RAD18: variants seen among roughly 807,000 people sequenced by gnomAD.
RAD18 encodes the protein E3 ubiquitin-protein ligase RAD18.
Under a neutral mutation model 60.4 loss-of-function variants are expected in RAD18, and 47 were observed. The observed-to-expected ratio is 0.78, with a 90% CI of 0.62 to 0.99. The LOEUF is 0.99. Among genes scored for constraint, RAD18 ranks in the 50% least tolerant of loss-of-function variants. RAD18 has a pLI of 0.00. For synonymous variants in RAD18, 225 were observed against 195.5 expected (o/e 1.15, Z -1.26); for missense variants, 640 against 593.3 (o/e 1.08, Z -0.82).
intron 2 of RAD18, among the ~76,000 whole-genome samples, chr3:8,953,319 A>T (rs1419114713): frequency 1.3e-5 from 2 of 151,884 alleles, no homozygotes. Flanking sequence ...TACCTTTTAA[A>T]TTAGTATTTA....
chr3:8,894,251 G>T (rs1377760026), intron 11 of RAD18, among the ~76,000 whole-genome samples: 1 of 152,098 alleles, frequency 6.6e-6, no homozygotes, highest in Non-Finnish European at 1.5e-5. Context: ...AAAAAACAAG[G>T]CTAAGAGTTT....
chr3:8,919,396 T>C lies in RAD18; in HGVS notation c.890-5676A>G, dbSNP rs575179945. ...CGAATGAAAAAAGACAAGATGCCAATACCTGAGACAACCCAGTTGCTGGAA... is the reference window on the plus strand; with the variant it reads ...CGAATGAAAAAAGACAAGATGCCAACACCTGAGACAACCCAGTTGCTGGAA... On this transcript the variant is annotated intron_variant, in intron 7 of 12. Transcript: ENST00000264926. Among the ~76,000 whole-genome samples, 13 of 152,154 alleles carry C rather than the reference T, an allele frequency of 8.5e-5. No individual in the cohort carries two copies. In the Middle Eastern group the frequency reaches 0.01, roughly 119 times the overall value.
intron 7 of RAD18, 148 bp from the exon 8 acceptor site, chr3:8,913,868 C>G (rs1322499864): frequency 4.0e-6 from 2 of 504,256 alleles, no homozygotes; most frequent in Non-Finnish European, 6.8e-6. Flanking sequence ...TTCTGTGAAT[C>G]AATTACCATT....
At chr3:8,926,170 C>G (rs1940429799) in intron 7 of RAD18, among the ~76,000 whole-genome samples, 1 of 152,168 alleles carries the variant, frequency 6.6e-6, no homozygotes, top group Admixed American at 6.5e-5. Context: ...ACCCCATCGT[C>G]TCAGCCCAAA....
Position 8,941,693 on chromosome 3 carries a change from T to C in RAD18, c.378A>G (p.Leu126=). 6.2e-7 allele frequency: 1 copy of C among 1,614,188 alleles called. No individual in the cohort carries two copies. ...TATCCATTAACCTGCTCCCCTGCTT[T>C]AAAGACTGTCTGGAGGCTACAGGAG... ...VYTPVASRQS[L]KQGSRLMDNF... is the part of the protein sequence containing the mutation. The change falls in exon 5 of 13, where the codon TTA becomes TTG. Residue 126 remains leucine (L), a synonymous_variant. Transcript: ENST00000264926.
chr3:8,881,153 T>G lies in RAD18; in HGVS notation c.*204A>C. ...TCAGTATTTTTAGAGAGAGATGTTT[T>G]AGAGGCAGGAGGCAACTGACCAAGT... On this transcript the variant is annotated 3_prime_UTR_variant, in exon 13 of 13. Transcript: ENST00000264926. The G allele has an allele frequency of 1.9e-6, 1 of 515,388 alleles. No homozygotes were observed. The highest frequency in any genetic ancestry group is 3.5e-5 in the East Asian group (1 of 28,710). 31.9% of individuals were successfully genotyped at this position (515,388 alleles called of 1,614,324 possible). A position where few individuals can be genotyped will look rare whatever the true frequency, so the allele number is the denominator to read the frequency against.
chr3:8,936,141 CCTGGGTGA>C, intron 6 of RAD18, 86 bp from the exon 7 acceptor site: 5 of 1,261,990 alleles, frequency 4.0e-6, no homozygotes, highest in Non-Finnish European at 5.4e-6. Flanking sequence ...TGATTCAACA[CCTGGGTGA>C]CCGGGAAAAT....
chr3:8,899,043 C>T lies in RAD18; in HGVS notation c.1173G>A (p.Gln391=). The T allele has an allele frequency of 1.3e-6, 2 of 1,579,382 alleles. No homozygotes were observed. The highest frequency in any genetic ancestry group is 1.7e-6 in the Non-Finnish European group (2 of 1,164,200). ...TEKLSSVCMG[Q]EDNMTSVTNH... Reference sequence around the variant, plus strand: ...TTGTTACTGAGGTCATATTATCTTCCTGTCCTAGGAAAAAATAAATTTAAG... The same window carrying T: ...TTGTTACTGAGGTCATATTATCTTCTTGTCCTAGGAAAAAATAAATTTAAG... Residue 391 remains glutamine, a synonymous_variant, in exon 11 of 13, where the codon CAG becomes CAA. Transcript: ENST00000264926.
rs1939457118 is a variant in RAD18 at position 8,881,262 on chromosome 3, C to A, written c.*95G>T. 1.0e-6 allele frequency: 1 copy of A among 991,306 alleles called. No individual in the cohort carries two copies. Among genetic ancestry groups the A allele is most frequent in the East Asian group, 2.5e-5 (1 of 39,504 alleles). 61.4% of individuals were successfully genotyped at this position (991,306 alleles called of 1,614,324 possible). A position where few individuals can be genotyped will look rare whatever the true frequency, so the allele number is the denominator to read the frequency against. ...AACCGTAATATTTAGAATTTAGCAT[C>A]TTTCCTTGGGCATTTATAAATAGAA... On this transcript the variant is annotated 3_prime_UTR_variant, in exon 13 of 13. Transcript: ENST00000264926.
At chr3:8,894,595 A>G (rs1413437729) in intron 11 of RAD18, among the ~76,000 whole-genome samples, 1 of 152,104 alleles carries the variant, frequency 6.6e-6, no homozygotes, top group East Asian at 1.9e-4. Context: ...ACCTCCCACA[A>G]TGAAACAAGG....
intron 9 of RAD18, among the ~76,000 whole-genome samples, chr3:8,903,905 T>C (rs184268527): frequency 6.6e-6 from 1 of 152,330 alleles, no homozygotes; most frequent in African/African-American, 2.4e-5. Context: ...GGGAATTTAC[T>C]GGGTGTAGGG....
chr3:8,940,840 C>T (rs1198601665), intron 5 of RAD18, among the ~76,000 whole-genome samples: 2 of 152,202 alleles, frequency 1.3e-5, no homozygotes, highest in African/African-American at 2.4e-5. Flanking sequence ...TTAGACTTTA[C>T]GGATCCTATG....
intron 7 of RAD18, 89 bp from the exon 8 acceptor site, chr3:8,913,809 A>T: frequency 1.2e-6 from 1 of 803,194 alleles, no homozygotes; most frequent in Non-Finnish European, 1.9e-6. Context: ...ACATTAGAAG[A>T]AGATGGGTGA....
rs34927291 is a variant in RAD18 at position 8,963,418 on chromosome 3, C to A, written c.-33G>T. ...CCCGAGGATGCTGGGGGTCAGCCACCCACTAGCCTCCGGCGCTCCAACACC... is the reference window on the plus strand; with the variant it reads ...CCCGAGGATGCTGGGGGTCAGCCACACACTAGCCTCCGGCGCTCCAACACC... On this transcript the variant is annotated 5_prime_UTR_variant, in exon 1 of 13. Transcript: ENST00000264926. 3 of 1,561,712 alleles carry A rather than the reference C, an allele frequency of 1.9e-6. No homozygotes were observed. Among genetic ancestry groups the A allele is most frequent in the African/African-American group, 2.7e-5 (2 of 72,890 alleles).
At position 8,912,886 on chromosome 3, in the gene RAD18, A is replaced by G. The variant is rs71314314; in HGVS notation, c.967-514T>C. Reference sequence around the variant, plus strand: ...CTTAAAAGATCAGAAATCTGCTTCCATGATTCACTGCAGTTCCCATCTTAC... The same window carrying G: ...CTTAAAAGATCAGAAATCTGCTTCCGTGATTCACTGCAGTTCCCATCTTAC... On this transcript the variant is annotated intron_variant, in intron 8 of 12. Coordinates refer to ENST00000264926, the MANE Select transcript of RAD18 (RefSeq NM_020165.4). Among the ~76,000 whole-genome samples, 726 of 152,338 alleles carry G rather than the reference A, an allele frequency of 4.8e-3. 4 individuals carry two copies. The highest frequency in any genetic ancestry group is 8.0e-3 in the Non-Finnish European group (545 of 68,016).
intron 12 of RAD18, among the ~76,000 whole-genome samples, chr3:8,885,190 T>C (rs1321320948): frequency 2.6e-5 from 4 of 152,186 alleles, no homozygotes; most frequent in African/African-American, 9.7e-5. Flanking sequence ...TCTCCTTGCC[T>C]CATGTTGATT....
rs1258483658 is a variant in RAD18 at position 8,878,149 on chromosome 3, G to T, written c.*3208C>A. ...AGATGCTGGTAGAAGTCTGTCGGGG[G>T]GAGCAGCAACATATGCAAGCATGGA... On this transcript the variant is annotated 3_prime_UTR_variant, in exon 13 of 13. Coordinates refer to ENST00000264926, the MANE Select transcript of RAD18 (RefSeq NM_020165.4). 3 of 152,258 alleles carry T rather than the reference G, an allele frequency of 2.0e-5. No individual in the cohort carries two copies. Among genetic ancestry groups the T allele is most frequent in the Admixed American group, 2.0e-4 (3 of 15,288 alleles). 9.4% of individuals were successfully genotyped at this position (152,258 alleles called of 1,614,324 possible). A position where few individuals can be genotyped will look rare whatever the true frequency, so the allele number is the denominator to read the frequency against.
intron 7 of RAD18, among the ~76,000 whole-genome samples, chr3:8,913,963 G>GAGTA (rs1940153750): frequency 6.6e-6 from 1 of 151,416 alleles, no homozygotes; most frequent in African/African-American, 2.4e-5. Context: ...ATAACCACAA[G>GAGTA]AGTCAAGTCA....
intron 7 of RAD18, among the ~76,000 whole-genome samples, chr3:8,922,525 C>A (rs1210152930): frequency 6.6e-6 from 1 of 152,166 alleles, no homozygotes; most frequent in East Asian, 1.9e-4. Context: ...GCAGAAACCT[C>A]TGCAGGCTTA....
Sources: allele counts gnomAD v4.1 joint callset (sites outside exome capture counted in the v4.1 genomes callset), GRCh38; gene constraint gnomAD v4.1.1; transcripts MANE v1.5; gene names NCBI Gene and HGNC (gene_info 2026-07-23, HGNC 2026-07-21).